Variants in FAM83G observed in about 807,000 individuals in gnomAD.
FAM83G encodes the protein scaffolding CK1 anchoring protein G, also known as protein FAM83G.
A neutral mutation model predicts 61.5 loss-of-function variants in FAM83G; 38 were observed. That is an observed-to-expected ratio of 0.62 (90% confidence interval 0.48 to 0.81). The LOEUF is 0.81. Among genes scored for constraint, FAM83G ranks in the 30% least tolerant of loss-of-function variants. The pLI, the probability that FAM83G is intolerant of heterozygous loss-of-function variation, is 0.00. For missense variants in FAM83G, 989 were observed against 1,133.6 expected, an observed-to-expected ratio of 0.87 and a Z score of 1.83; for synonymous variants, 470 against 476.1, an observed-to-expected ratio of 0.99 and a Z score of 0.17.
At chr17:18,978,942 T>A in intron 4 of FAM83G, 92 bp from the exon 5 acceptor site, 5 of 1,413,388 alleles carry the variant, frequency 3.5e-6, no homozygotes, top group South Asian at 1.3e-5. Flanking sequence ...CCTCAGACTG[T>A]GGCCACAGGG....
In FAM83G at chr17:19,000,072, C is replaced by T. The variant is rs2043690809; in HGVS notation, c.522+3448G>A. Among the ~76,000 whole-genome samples the T allele has an allele frequency of 6.6e-6, 1 of 152,232 alleles. No individual in the cohort carries two copies. The highest frequency in any genetic ancestry group is 2.1e-4 in the South Asian group (1 of 4,836). ...GCTGCAGCCAAGTGAGGCCGGGGCTCGCCCCTCCCAGGCGTGATCTTACAA... is the reference window on the plus strand; with the variant it reads ...GCTGCAGCCAAGTGAGGCCGGGGCTTGCCCCTCCCAGGCGTGATCTTACAA... On this transcript the variant is annotated intron_variant, in intron 2 of 5. Transcript: ENST00000388995. The surrounding 1 kb of genome is among the most constrained non-coding windows in gnomAD (Gnocchi z 5.2).
chr17:19,002,830 G>T (rs2043765676), intron 2 of FAM83G, among the ~76,000 whole-genome samples: 1 of 152,168 alleles, frequency 6.6e-6, no homozygotes, highest in Admixed American at 6.5e-5. Context: ...TGGAGAAGGG[G>T]AGGGCCAGAG....
At chr17:18,992,458 C>T (rs987186070) in intron 2 of FAM83G, among the ~76,000 whole-genome samples, 1 of 152,204 alleles carries the variant, frequency 6.6e-6, no homozygotes, top group African/African-American at 2.4e-5. Context: ...AAGGAGAACC[C>T]CACCTGTGGC....
chr17:18,983,773 C>T (rs2152125056), intron 3 of FAM83G, among the ~76,000 whole-genome samples: 1 of 152,242 alleles, frequency 6.6e-6, no homozygotes, highest in Admixed American at 6.5e-5. Flanking sequence ...GGTGGTGGGC[C>T]CTTTGTGAAC....
chr17:18,985,151 C>T (rs914606271), intron 3 of FAM83G, among the ~76,000 whole-genome samples: 2 of 152,204 alleles, frequency 1.3e-5, no homozygotes, highest in Admixed American at 6.5e-5. Context: ...CGTCTCATGG[C>T]GGGGCTGTGC....
In FAM83G at chr17:18,968,995, G is replaced by A. The variant is rs2042769325; in HGVS notation, c.*2364C>T. ...GGCCTTGCCCGAGGTCACCCAGGGA[G>A]TGGCTTGCTGGAGCCCTGGGAATAA... On this transcript the variant is annotated 3_prime_UTR_variant, in exon 6 of 6. Transcript: ENST00000388995. This position sits in a 1 kb window ranked among gnomAD's most constrained non-coding sequence, Gnocchi z 4.1. The A allele has an allele frequency of 2.6e-6, 4 of 1,541,894 alleles. No homozygotes were observed. The highest frequency in any genetic ancestry group is 1.4e-5 in the African/African-American group (1 of 73,694).
In FAM83G at chr17:19,003,652, C is replaced by A; in HGVS notation, c.390G>T (p.Gln130His). Residue 130 changes from glutamine (Q) to histidine (H), a missense_variant, in exon 2 of 6, where the codon CAG (glutamine) becomes CAT (histidine). By Grantham distance (24) the Gln-to-His change is conservative. Coordinates refer to ENST00000388995, the MANE Select transcript of FAM83G (RefSeq NM_001039999.3). This position sits in a 1 kb window ranked among gnomAD's most constrained non-coding sequence, Gnocchi z 4.5. ...WPQKSDRSIP[Q>H]LDLGWPDTIA... ...TGGTGTCGGGCCAGCCCAGGTCCAG[C>A]TGCGGGATGGAGCGGTCCGACTTCT... 1.2e-6 allele frequency: 2 copies of A among 1,612,266 alleles called. No individual in the cohort carries two copies. Among genetic ancestry groups the A allele is most frequent in the Non-Finnish European group, 1.7e-6 (2 of 1,179,560 alleles).
chr17:18,983,517 C>G (rs1162046287), intron 3 of FAM83G, among the ~76,000 whole-genome samples: 3 of 152,182 alleles, frequency 2.0e-5, no homozygotes, highest in Non-Finnish European at 2.9e-5. Flanking sequence ...AGTAGAGGCC[C>G]GGTAGAGCAG....
chr17:18,995,198 GAC>G (rs902378366), intron 2 of FAM83G, among the ~76,000 whole-genome samples: 1 of 151,984 alleles, frequency 6.6e-6, no homozygotes, highest in African/African-American at 2.4e-5. Flanking sequence ...ACCAAAAACC[GAC>G]ACAGATGTTA....
chr17:18,984,732 C>T (rs1400819362), intron 3 of FAM83G, among the ~76,000 whole-genome samples: 15 of 152,248 alleles, frequency 9.9e-5, no homozygotes, highest in Non-Finnish European at 7.3e-5. Flanking sequence ...GGGAGCATCC[C>T]TCCACACCCA....
intron 5 of FAM83G, among the ~76,000 whole-genome samples, chr17:18,974,413 G>A (rs1383630932): frequency 6.6e-6 from 1 of 152,250 alleles, no homozygotes; most frequent in African/African-American, 2.4e-5. Flanking sequence ...ACAGAGCCCT[G>A]GTCTGGGCTC....
chr17:19,005,593 C>T (rs1360480443), upstream of FAM83G, among the ~76,000 whole-genome samples: 1 of 152,114 alleles, frequency 6.6e-6, no homozygotes, highest in Non-Finnish European at 1.5e-5. Context: ...GTTTGGGTCC[C>T]GTAAGGATGC....
At chr17:18,986,069 C>T (rs2043261799) in intron 3 of FAM83G, 1 of 152,434 alleles carries the variant, frequency 6.6e-6, no homozygotes, top group East Asian at 1.9e-4. Flanking sequence ...GGTGGAACCA[C>T]ACACCCAGGA....
rs1459931391 is a variant in FAM83G at position 19,000,417 on chromosome 17, CCA to C, written c.522+3101_522+3102del. Among the ~76,000 whole-genome samples, 3 of 152,292 alleles carry C rather than the reference CCA, an allele frequency of 2.0e-5. No homozygotes were observed. Among genetic ancestry groups the C allele is most frequent in the East Asian group, 1.9e-4 (1 of 5,188 alleles). On this transcript the variant is annotated intron_variant, in intron 2 of 5. Coordinates refer to ENST00000388995, the MANE Select transcript of FAM83G (RefSeq NM_001039999.3). This position sits in a 1 kb window ranked among gnomAD's most constrained non-coding sequence, Gnocchi z 5.2. ...GAGGAGCTGGGGCTTGTTCCAGGTC[CCA>C]CAGTCAGGCAGAGGCAGAGCACGGA... is the stretch of plus-strand genomic sequence containing the variant.
chr17:19,002,950 T>C (rs1233352794), intron 2 of FAM83G, among the ~76,000 whole-genome samples: 1 of 152,126 alleles, frequency 6.6e-6, no homozygotes, highest in Non-Finnish European at 1.5e-5. Context: ...CATCCTGGCC[T>C]GGAAAGTTTC....
Position 18,970,742 on chromosome 17 carries a change from G to C in FAM83G, c.*617C>G. ...TGTCCAGAGGCCAACAGTGACTCCT[G>C]CTGGGCCAGCGGGACACTGGGGTGC... is the stretch of plus-strand genomic sequence containing the variant. On this transcript the variant is annotated 3_prime_UTR_variant, in exon 6 of 6. Coordinates refer to ENST00000388995, the MANE Select transcript of FAM83G (RefSeq NM_001039999.3). 2.1e-6 allele frequency: 1 copy of C among 485,772 alleles called. No homozygotes were observed. Among genetic ancestry groups the C allele is most frequent in the South Asian group, 2.4e-5 (1 of 41,992 alleles). The allele number at this position is 485,772 out of a possible 1,614,324, so 30.1% of individuals were successfully genotyped here. A position where few individuals can be genotyped will look rare whatever the true frequency, so the allele number is the denominator to read the frequency against.
intron 5 of FAM83G, among the ~76,000 whole-genome samples, chr17:18,972,867 TAAAA>T (rs35947526): frequency 1.5e-5 from 2 of 137,808 alleles, no homozygotes; most frequent in Non-Finnish European, 1.6e-5. Context: ...AGACTCCGTC[TAAAA>T]AAAAAAAAAA....
intron 2 of FAM83G, among the ~76,000 whole-genome samples, chr17:18,989,265 C>G (rs1033830423): frequency 6.6e-6 from 1 of 151,908 alleles, no homozygotes; most frequent in Non-Finnish European, 1.5e-5. Flanking sequence ...ACACAGCAAG[C>G]TGGGGACAGA....
intron 2 of FAM83G, among the ~76,000 whole-genome samples, chr17:18,997,003 C>G (rs1045199497): frequency 6.6e-6 from 1 of 152,248 alleles, no homozygotes; most frequent in African/African-American, 2.4e-5. Context: ...GGGAGTGAAA[C>G]TGGATGAACT....
Sources: gnomAD v4.1 joint callset for allele counts (sites outside exome capture counted in the v4.1 genomes callset) on GRCh38, gnomAD v4.1.1 for gene constraint, Gnocchi (gnomAD v3.1) non-coding constraint, MANE v1.5 for transcripts, NCBI Gene and HGNC (gene_info 2026-07-23, HGNC 2026-07-21) for gene names.